CASZ1: variants seen among roughly 807,000 people sequenced by gnomAD.
CASZ1 encodes the protein zinc finger protein castor homolog 1.
In CASZ1, 28 loss-of-function variants were observed where a neutral mutation model predicts 135.2. That is an observed-to-expected ratio of 0.21 (90% CI 0.15 to 0.28). The LOEUF is 0.28. Among genes scored for constraint, CASZ1 ranks in the 10% least tolerant of loss-of-function variants. The pLI is 1.00. For synonymous variants in CASZ1, 1,068 were observed against 1,073.4 expected (o/e 0.99, Z 0.10); for missense variants, 2,161 against 2,453.3 (o/e 0.88, Z 2.52).
chr1:10,783,871 C>CAAAAAAAAA, intron 1 of CASZ1, among the ~76,000 whole-genome samples: 1 of 78,974 alleles, frequency 1.3e-5, no homozygotes, highest in Non-Finnish European at 2.3e-5. Flanking sequence ...GACTCCGTCT[C>CAAAAAAAAA]AAAAAAAAAA....
intron 2 of CASZ1, among the ~76,000 whole-genome samples, chr1:10,743,672 C>G (rs55759215): frequency 0.16 from 4,118 of 25,744 alleles, 268 homozygotes; most frequent in African/African-American, 0.4. Context: ...AATGGGGGGG[C>G]GGGGTGCGGG....
At chr1:10,796,475 C>G (rs1162003985) in intron 1 of CASZ1, 89 bp downstream of exon 1, 3 of 152,206 alleles carry the variant, frequency 2.0e-5, no homozygotes, top group Admixed American at 6.5e-5. Flanking sequence ...TGCACCGGGA[C>G]AGGGGGAGAG....
chr1:10,655,103 T>C (rs1642743871), intron 9 of CASZ1, among the ~76,000 whole-genome samples: 1 of 151,602 alleles, frequency 6.6e-6, no homozygotes. Context: ...AACACTCTCG[T>C]AGGCTGGGCC....
chr1:10,793,359 T>A (rs1256812738), intron 1 of CASZ1, among the ~76,000 whole-genome samples: 2 of 151,990 alleles, frequency 1.3e-5, no homozygotes, highest in East Asian at 3.9e-4. Context: ...AGCGTAAGGC[T>A]CCCGGGCTGG....
At chr1:10,737,860 G>A (rs1357884985) in intron 2 of CASZ1, among the ~76,000 whole-genome samples, 1 of 152,214 alleles carries the variant, frequency 6.6e-6, no homozygotes, top group African/African-American at 2.4e-5. Context: ...CCAGGCTGAG[G>A]CCATCTCGGG....
At position 10,653,725 on chromosome 1, in the gene CASZ1, G is replaced by C; in HGVS notation, c.2332C>G (p.Gln778Glu). 7 of 1,605,080 alleles carry C rather than the reference G, an allele frequency of 4.4e-6. No individual in the cohort carries two copies. The highest frequency in any genetic ancestry group is 6.0e-6 in the Non-Finnish European group (7 of 1,175,498). Residue 778 changes from glutamine (Q) to glutamate (E), a missense_variant, in exon 11 of 21, where the codon CAG becomes GAG. Transcript: ENST00000377022. ...PNSKISGLLPQGLPGSIPLAL... is the reference protein window; with the variant it reads ...PNSKISGLLPEGLPGSIPLAL... ...AGGGGGATTGAGCCAGGCAGGCCCTGGGGCAGCAGCCCCGAGATCTTGCTG... is the reference window on the plus strand; with the variant it reads ...AGGGGGATTGAGCCAGGCAGGCCCTCGGGCAGCAGCCCCGAGATCTTGCTG...
chr1:10,718,109 CA>C (rs747067871), intron 2 of CASZ1, among the ~76,000 whole-genome samples: 1 of 152,234 alleles, frequency 6.6e-6, no homozygotes, highest in South Asian at 2.1e-4. Flanking sequence ...GCCACAGGGC[CA>C]GGGGCAGGCC....
rs1474033198 is a variant in CASZ1 at position 10,774,871 on chromosome 1, T to G, written c.-233-14014A>C. Among the ~76,000 whole-genome samples the G allele has an allele frequency of 1.3e-5, 2 of 152,210 alleles. No homozygotes were observed. The highest frequency in any genetic ancestry group is 1.9e-4 in the East Asian group (1 of 5,182). ...ACAAGGGAATGAATCCCCACGTGTCTCCTGCAACCATCTCTGTTCCAGCTT... is the reference window on the plus strand; with the variant it reads ...ACAAGGGAATGAATCCCCACGTGTCGCCTGCAACCATCTCTGTTCCAGCTT... On this transcript the variant is annotated intron_variant, in intron 1 of 20. Transcript: ENST00000377022. The surrounding 1 kb of genome is among the most constrained non-coding windows in gnomAD (Gnocchi z 4.4).
intron 2 of CASZ1, among the ~76,000 whole-genome samples, chr1:10,748,367 G>A (rs1021721851): frequency 6.6e-6 from 1 of 152,322 alleles, no homozygotes; most frequent in African/African-American, 2.4e-5. Flanking sequence ...CGTTAGCGAC[G>A]ACAAATTAGG....
rs375888403 is a variant in CASZ1, at chr1:10,657,986, TTCTC to T, written c.1409+518_1409+521del. ...GACAGCCCACACCTTCTCTCTCGCT[TTCTC>T]TCTCTCTTTTTTTTTTTTTTTTTAA... On this transcript the variant is annotated intron_variant, in intron 7 of 20. Coordinates refer to ENST00000377022, the MANE Select transcript of CASZ1 (RefSeq NM_001079843.3). This position sits in a 1 kb window ranked among gnomAD's most constrained non-coding sequence, Gnocchi z 5.7. 0.026 allele frequency: 3,913 copies of T among 150,632 alleles called. 112 individuals carry two copies. The highest frequency in any genetic ancestry group is 0.13 in the East Asian group (685 of 5,194). The allele number at this position is 150,632 out of a possible 1,614,324, so 9.3% of individuals were successfully genotyped here.
At chr1:10,671,566 GA>G (rs200161667) in intron 4 of CASZ1, among the ~76,000 whole-genome samples, 21 of 152,310 alleles carry the variant, frequency 1.4e-4, no homozygotes, top group African/African-American at 3.8e-4. Flanking sequence ...GAGGGCAGTG[GA>G]AGGGGTCTGA....
At chr1:10,770,759 T>G (rs1157802449) in intron 1 of CASZ1, among the ~76,000 whole-genome samples, 1 of 152,244 alleles carries the variant, frequency 6.6e-6, no homozygotes. Flanking sequence ...TCTGCAGTTT[T>G]GCAATCATCA....
chr1:10,660,378 T>C lies in CASZ1; in HGVS notation c.664A>G (p.Met222Val), dbSNP rs1416556603. 5 of 1,614,150 alleles carry C rather than the reference T, an allele frequency of 3.1e-6. No individual in the cohort carries two copies. Among genetic ancestry groups the C allele is most frequent in the South Asian group, 1.1e-5 (1 of 91,080 alleles). ...GSTPEAATSS[M>V]LPTSEDTLSK... is the part of the protein sequence containing the mutation. ...AGGGTATCCTCGGAGGTGGGCAGCA[T>C]GGAGGAGGTGGCTGCCTCCGGGGTG... The change falls in exon 6 of 21, where the codon ATG becomes GTG. Residue 222 changes from methionine to valine, a missense_variant. Transcript: ENST00000377022.
chr1:10,689,400 TGGGGCTGTG>T (rs1638695042), intron 4 of CASZ1, among the ~76,000 whole-genome samples: 1 of 152,144 alleles, frequency 6.6e-6, no homozygotes, highest in South Asian at 2.1e-4. Context: ...AGCCAGATTC[TGGGGCTGTG>T]GGGGCTGGGG....
At chr1:10,667,062 G>A (rs1438951086) in intron 4 of CASZ1, among the ~76,000 whole-genome samples, 1 of 152,210 alleles carries the variant, frequency 6.6e-6, no homozygotes, top group African/African-American at 2.4e-5. Context: ...GTCAGAAGGG[G>A]CTTCACTCTA....
At position 10,648,021 on chromosome 1, in the gene CASZ1, T is replaced by C; in HGVS notation, c.3277A>G (p.Thr1093Ala). The C allele has an allele frequency of 5.0e-6, 8 of 1,599,242 alleles. No individual in the cohort carries two copies. Among genetic ancestry groups the C allele is most frequent in the Non-Finnish European group, 6.8e-6 (8 of 1,172,638 alleles). Residue 1093 changes from threonine to alanine, a missense_variant, in exon 16 of 21, where the codon ACC becomes GCC. Transcript: ENST00000377022. ...APSSPPVPPVTTATVSSLEGP... is the reference protein window; with the variant it reads ...APSSPPVPPVATATVSSLEGP... ...TCCAGAGAGGACACCGTGGCCGTGG[T>C]GACAGGAGGGACCGGAGGGGACGAG...
intron 3 of CASZ1, among the ~76,000 whole-genome samples, chr1:10,696,701 G>T (rs1051298937): frequency 6.6e-6 from 1 of 152,274 alleles, no homozygotes; most frequent in African/African-American, 2.4e-5. Context: ...GATAGAAGAG[G>T]TGATTTCTGG....
rs1010141430 is a variant in CASZ1 at position 10,709,367 on chromosome 1, T to A, written c.-76-3823A>T. On this transcript the variant is annotated intron_variant, in intron 2 of 20. Coordinates refer to ENST00000377022, the MANE Select transcript of CASZ1 (RefSeq NM_001079843.3). This position sits in a 1 kb window ranked among gnomAD's most constrained non-coding sequence, Gnocchi z 5.1. ...AGCCCTTTCACAGGGGCTGGGGCCA[T>A]GTCAGCCCGGCAGTGTGAGGAGGGG... 1.3e-5 allele frequency among the ~76,000 whole-genome samples: 2 copies of A among 151,950 alleles called. No individual in the cohort carries two copies. Among genetic ancestry groups the A allele is most frequent in the Non-Finnish European group, 2.9e-5 (2 of 67,950 alleles).
rs1466723515 is a variant in CASZ1, at chr1:10,700,034, GAC to G, written c.-24+5456_-24+5457del. ...ACAGAGACAGAGAAAGAGAGAGAGA[GAC>G]AGAGAGAGAGAGAAAGAGAGACAGA... On this transcript the variant is annotated intron_variant, in intron 3 of 20. Coordinates refer to ENST00000377022, the MANE Select transcript of CASZ1 (RefSeq NM_001079843.3). The surrounding 1 kb of genome is among the most constrained non-coding windows in gnomAD (Gnocchi z 4.2). Among the ~76,000 whole-genome samples, 6 of 150,710 alleles carry G rather than the reference GAC, an allele frequency of 4.0e-5. No homozygotes were observed. The highest frequency in any genetic ancestry group is 1.9e-4 in the East Asian group (1 of 5,142).
Sources: allele counts gnomAD v4.1 joint callset (sites outside exome capture counted in the v4.1 genomes callset), GRCh38; gene constraint gnomAD v4.1.1; non-coding constraint Gnocchi (gnomAD v3.1); transcripts MANE v1.5; gene names NCBI Gene and HGNC (gene_info 2026-07-23, HGNC 2026-07-21).